SPRED1: variants seen among roughly 807,000 people sequenced by gnomAD.
SPRED1 encodes the protein sprouty-related, EVH1 domain-containing protein 1.
A neutral mutation model predicts 52.3 loss-of-function variants in SPRED1; 18 were observed. That is an observed-to-expected ratio of 0.34 (90% confidence interval 0.24 to 0.51). The LOEUF is 0.51. Among genes scored for constraint, SPRED1 ranks in the 20% least tolerant of loss-of-function variants. The probability of loss-of-function intolerance (pLI) is 0.97; values close to 1 mark genes in which losing one functional copy is unlikely to be tolerated. For missense variants in SPRED1, 485 were observed against 551.0 expected (o/e 0.88, Z 1.20); for synonymous variants, 155 against 179.7 (o/e 0.86, Z 1.10).
At chr15:38,340,541 C>CT (rs1252872132) in intron 5 of SPRED1, among the ~76,000 whole-genome samples, 25 of 149,930 alleles carry the variant, frequency 1.7e-4, no homozygotes, top group South Asian at 4.2e-4. Context: ...ATTTTTTTTT[C>CT]TTTTTTTTTG....
At chr15:38,319,886 C>G (rs1189883025) in intron 2 of SPRED1, among the ~76,000 whole-genome samples, 2 of 152,126 alleles carry the variant, frequency 1.3e-5, no homozygotes, top group Non-Finnish European at 2.9e-5. Flanking sequence ...AGAGGGGACA[C>G]AAGTCAATGA....
At chr15:38,321,169 A>G (rs1483400459) in intron 2 of SPRED1, among the ~76,000 whole-genome samples, 1 of 152,194 alleles carries the variant, frequency 6.6e-6, no homozygotes, top group Non-Finnish European at 1.5e-5. Context: ...CCTTTGAAAT[A>G]GTTCATAATA....
At chr15:38,291,798 C>T (rs1031383235) in intron 1 of SPRED1, among the ~76,000 whole-genome samples, 8 of 152,144 alleles carry the variant, frequency 5.3e-5, no homozygotes, top group Admixed American at 5.2e-4. Flanking sequence ...CCTGTGAGAC[C>T]AGTTTTTCCT....
intron 2 of SPRED1, among the ~76,000 whole-genome samples, chr15:38,321,688 G>A (rs1484870381): frequency 6.6e-6 from 1 of 152,060 alleles, no homozygotes; most frequent in African/African-American, 2.4e-5. Context: ...CCACCTCCTG[G>A]GCTCAGACGA....
chr15:38,329,115 T>C (rs936021280), intron 4 of SPRED1, among the ~76,000 whole-genome samples: 3 of 152,148 alleles, frequency 2.0e-5, no homozygotes, highest in Non-Finnish European at 2.9e-5. Flanking sequence ...ACAGCTCTTA[T>C]TGTTCAGATA....
At chr15:38,261,328 A>G (rs949447381) in intron 1 of SPRED1, among the ~76,000 whole-genome samples, 2 of 152,168 alleles carry the variant, frequency 1.3e-5, no homozygotes, top group Non-Finnish European at 2.9e-5. Context: ...ATTTTTTTGT[A>G]CTTCTGAATT....
intron 4 of SPRED1, among the ~76,000 whole-genome samples, chr15:38,327,153 A>G (rs1377993766): frequency 4.5e-4 from 68 of 152,136 alleles, no homozygotes. Flanking sequence ...ACACCCAGGA[A>G]ATTTCATCTG....
intron 5 of SPRED1, among the ~76,000 whole-genome samples, chr15:38,343,412 G>A (rs1896067140): frequency 6.6e-6 from 1 of 152,146 alleles, no homozygotes; most frequent in African/African-American, 2.4e-5. Context: ...AGGCACAACG[G>A]AGACTGTAAA....
chr15:38,258,049 C>G (rs894700583), intron 1 of SPRED1, among the ~76,000 whole-genome samples: 1 of 152,180 alleles, frequency 6.6e-6, no homozygotes, highest in Non-Finnish European at 1.5e-5. Flanking sequence ...AAATGCTTCA[C>G]CCCATGTAAG....
intron 2 of SPRED1, among the ~76,000 whole-genome samples, chr15:38,320,434 C>A (rs1895578219): frequency 6.6e-6 from 1 of 152,106 alleles, no homozygotes; most frequent in South Asian, 2.1e-4. Context: ...GAATTTTAGT[C>A]TTGAAAGCAT....
chr15:38,328,922 C>T (rs1040419869), intron 4 of SPRED1, among the ~76,000 whole-genome samples: 2 of 152,052 alleles, frequency 1.3e-5, no homozygotes, highest in Non-Finnish European at 2.9e-5. Context: ...TGCCACGTTG[C>T]CCAGGCTGGT....
intron 4 of SPRED1, among the ~76,000 whole-genome samples, chr15:38,336,845 T>C (rs1566871934): frequency 6.6e-6 from 1 of 152,104 alleles, no homozygotes; most frequent in Admixed American, 6.6e-5. Flanking sequence ...GTACACTGTT[T>C]GGGTGATGGG....
chr15:38,347,323 T>G (rs1896158798), intron 5 of SPRED1, among the ~76,000 whole-genome samples: 1 of 152,174 alleles, frequency 6.6e-6, no homozygotes, highest in South Asian at 2.1e-4. Flanking sequence ...ATCAATTCTC[T>G]ATATATGTTT....
intron 1 of SPRED1, among the ~76,000 whole-genome samples, chr15:38,262,922 A>C (rs919498019): frequency 1.3e-5 from 2 of 152,358 alleles, no homozygotes; most frequent in East Asian, 3.9e-4. Flanking sequence ...AGTTTTCATC[A>C]TGTAGACAGT....
intron 2 of SPRED1, among the ~76,000 whole-genome samples, chr15:38,310,353 C>A (rs1895342536): frequency 6.6e-6 from 1 of 152,038 alleles, no homozygotes; most frequent in Admixed American, 6.6e-5. Context: ...GTTGACCAGG[C>A]TTGTCTTGAA....
chr15:38,311,212 C>T (rs189276413), intron 2 of SPRED1, among the ~76,000 whole-genome samples: 17 of 152,066 alleles, frequency 1.1e-4, no homozygotes, highest in African/African-American at 3.4e-4. Context: ...CCTGTTGATA[C>T]GATAGATTAT....
chr15:38,262,971 T>G (rs2140950519), intron 1 of SPRED1, among the ~76,000 whole-genome samples: 1 of 152,270 alleles, frequency 6.6e-6, no homozygotes, highest in East Asian at 1.9e-4. Flanking sequence ...GATAATCCAA[T>G]TTGTGTAAAG....
At chr15:38,322,751 A>G (rs928668765) in intron 3 of SPRED1, among the ~76,000 whole-genome samples, 1 of 152,200 alleles carries the variant, frequency 6.6e-6, no homozygotes, top group African/African-American at 2.4e-5. Flanking sequence ...CTACTTGTGT[A>G]TGTATGACAC....
rs7182445 is a variant in SPRED1 at position 38,322,324 on chromosome 15, G to A, written c.291G>A (p.Lys97=). The change falls in exon 3 of 7, where the codon AAG becomes AAA. Residue 97 remains lysine (K), a synonymous_variant. Transcript: ENST00000299084. ...TTCACCACTGGAAGATTGATGACAAGAAGTTTGGTCTTACGTTTCAAAGTC... is the reference window on the plus strand; with the variant it reads ...TTCACCACTGGAAGATTGATGACAAAAAGTTTGGTCTTACGTTTCAAAGTC... ...PTFHHWKIDD[K]KFGLTFQSPA... 0.88 allele frequency: 1,422,952 copies of A among 1,613,722 alleles called. 630,054 individuals are homozygous for A. The highest frequency in any genetic ancestry group is 0.9 in the Non-Finnish European group (1,060,533 of 1,179,868).
Sources: allele counts gnomAD v4.1 joint callset (sites outside exome capture counted in the v4.1 genomes callset), GRCh38; gene constraint gnomAD v4.1.1; transcripts MANE v1.5; gene names NCBI Gene and HGNC (gene_info 2026-07-23, HGNC 2026-07-21).